Variants in MAST4 observed in about 807,000 individuals in gnomAD.
The protein encoded by MAST4 is microtubule-associated serine/threonine-protein kinase 4.
A neutral mutation model predicts 162.7 loss-of-function variants in MAST4; 89 were observed. That is an observed-to-expected ratio of 0.55 (90% CI 0.46 to 0.65). MAST4 has a LOEUF of 0.65. Ranked by LOEUF, MAST4 falls within the 30% of genes least tolerant of loss-of-function variation. The pLI is 0.00. For synonymous variants in MAST4, 1,479 were observed against 1,361.1 expected, an observed-to-expected ratio of 1.09 and a Z score of -1.91; for missense variants, 3,153 against 3,374.0, an observed-to-expected ratio of 0.93 and a Z score of 1.62.
intron 1 of MAST4, among the ~76,000 whole-genome samples, chr5:66,721,865 A>G (rs62360030): frequency 0.36 from 55,119 of 151,420 alleles, 10,163 homozygotes; most frequent in Non-Finnish European, 0.39. Flanking sequence ...CTATATTGAA[A>G]TCATTCTTTA....
At chr5:66,750,528 G>C (rs1289045167) in intron 1 of MAST4, among the ~76,000 whole-genome samples, 1 of 152,212 alleles carries the variant, frequency 6.6e-6, no homozygotes, top group Non-Finnish European at 1.5e-5. Context: ...TCAAAGAAAG[G>C]GGTGACGGAC....
intron 5 of MAST4, among the ~76,000 whole-genome samples, chr5:67,054,702 A>G (rs1003770916): frequency 1.9e-4 from 29 of 152,148 alleles, no homozygotes; most frequent in African/African-American, 6.5e-4. Flanking sequence ...ATTCCTTTTT[A>G]TATGGGGTCT....
intron 1 of MAST4, among the ~76,000 whole-genome samples, chr5:66,730,771 G>GTGTT (rs1338151531): frequency 1.4e-5 from 2 of 145,974 alleles, no homozygotes; most frequent in Non-Finnish European, 3.1e-5. Context: ...GTGTGTGTGT[G>GTGTT]TGTGTGTTTC....
At chr5:67,120,707 G>A (rs1167562062) in intron 13 of MAST4, among the ~76,000 whole-genome samples, 1 of 152,140 alleles carries the variant, frequency 6.6e-6, no homozygotes, top group African/African-American at 2.4e-5. Flanking sequence ...TGGCATTTTG[G>A]AGTTAAATTC....
chr5:66,804,274 C>T (rs1756068868), intron 3 of MAST4, among the ~76,000 whole-genome samples: 1 of 150,308 alleles, frequency 6.7e-6, no homozygotes, highest in Admixed American at 6.6e-5. Flanking sequence ...TATAATAGGG[C>T]TGCATAATAA....
chr5:66,965,224 G>GTTTTTTTTTTTTTTTTTTT (rs1561485927), intron 4 of MAST4, among the ~76,000 whole-genome samples: 1 of 72,416 alleles, frequency 1.4e-5, no homozygotes, highest in African/African-American at 5.5e-5. Context: ...TTTTTTTTTT[G>GTTTTTTTTTTTTTTTTTTT]CTTTTTTTTT....
chr5:66,685,940 G>C (rs62359990), intron 1 of MAST4, among the ~76,000 whole-genome samples: 26,589 of 151,956 alleles, frequency 0.17, 2,682 homozygotes, highest in East Asian at 0.31. Flanking sequence ...TTAGGCATTA[G>C]TTAGATTCTC....
chr5:66,741,053 C>T (rs1367426602), intron 1 of MAST4, among the ~76,000 whole-genome samples: 1 of 152,176 alleles, frequency 6.6e-6, no homozygotes, highest in Non-Finnish European at 1.5e-5. Flanking sequence ...GGAGACATTG[C>T]TCACCCACCT....
intron 1 of MAST4, among the ~76,000 whole-genome samples, chr5:66,645,064 T>C (rs1745739952): frequency 1.3e-5 from 2 of 152,068 alleles, no homozygotes; most frequent in African/African-American, 4.8e-5. Flanking sequence ...CAGAAAGTGT[T>C]GAGCGTGTGT....
chr5:67,033,449 C>T (rs1370587507), intron 4 of MAST4, among the ~76,000 whole-genome samples: 5 of 148,932 alleles, frequency 3.4e-5, no homozygotes, highest in Admixed American at 3.4e-4. Context: ...TAGTATATTG[C>T]AACATAGGCA....
rs770766065 is a variant in MAST4, at chr5:67,162,724, C to G, written c.3903C>G (p.Pro1301=). The change falls in exon 28 of 29, where the codon CCC becomes CCG. Residue 1301 remains proline, a synonymous_variant. Coordinates refer to ENST00000403625, the MANE Select transcript of MAST4 (RefSeq NM_001164664.2). The stretch of plus-strand genomic sequence containing the variant: ...CGGGTGAGAGCCTCCCAGGTTCCCC[C>G]ACTCATAGCTTGTCTCCCCGGTCTC... The part of the protein sequence containing the change: ...LSSGESLPGS[P]THSLSPRSPT... 1.9e-6 allele frequency: 3 copies of G among 1,613,876 alleles called. No homozygotes were observed. The highest frequency in any genetic ancestry group is 2.2e-5 in the East Asian group (1 of 44,848).
At chr5:66,991,807 C>T (rs1334704406) in intron 4 of MAST4, among the ~76,000 whole-genome samples, 1 of 152,168 alleles carries the variant, frequency 6.6e-6, no homozygotes, top group Non-Finnish European at 1.5e-5. Flanking sequence ...TAGCCCCAGG[C>T]AGTTTATGGT....
rs1763913547 is a variant in MAST4 at position 67,091,994 on chromosome 5, C to G, written c.833+1763C>G. Among the ~76,000 whole-genome samples, 3 of 152,058 alleles carry G rather than the reference C, an allele frequency of 2.0e-5. No homozygotes were observed. The South Asian group carries it at 6.2e-4, about 32-fold the overall frequency. On this transcript the variant is annotated intron_variant, in intron 6 of 28. Coordinates refer to ENST00000403625, the MANE Select transcript of MAST4 (RefSeq NM_001164664.2). ...AAATTGTTATTCAAGTAAACAGAACCCTGTGTTATGAAAACTCAAATTGGT... is the reference window on the plus strand; with the variant it reads ...AAATTGTTATTCAAGTAAACAGAACGCTGTGTTATGAAAACTCAAATTGGT...
At chr5:67,134,765 T>A in intron 18 of MAST4, 77 bp downstream of exon 18, 1 of 1,174,770 alleles carries the variant, frequency 8.5e-7, no homozygotes, top group Non-Finnish European at 1.2e-6. Context: ...AGTGTCACAG[T>A]TTTTACTACT....
intron 5 of MAST4, among the ~76,000 whole-genome samples, chr5:67,086,823 T>C (rs1319691502): frequency 6.6e-6 from 1 of 152,184 alleles, no homozygotes; most frequent in Non-Finnish European, 1.5e-5. Flanking sequence ...TCCTTCTTAC[T>C]CTCATCCTGG....
At chr5:66,608,975 C>G (rs756446443) in intron 1 of MAST4, among the ~76,000 whole-genome samples, 1 of 151,506 alleles carries the variant, frequency 6.6e-6, no homozygotes, top group African/African-American at 2.4e-5. Flanking sequence ...AGATATTGTT[C>G]TAGATGGAAT....
At chr5:66,912,844 A>C (rs1763865952) in intron 4 of MAST4, among the ~76,000 whole-genome samples, 1 of 152,138 alleles carries the variant, frequency 6.6e-6, no homozygotes, top group Non-Finnish European at 1.5e-5. Context: ...AGAGACTTCA[A>C]ATTGGTTTTC....
Position 67,164,134 on chromosome 5 carries a change from C to G in MAST4, c.4955C>G (p.Ser1652Cys). ...PGTLQDGLCH[S>C]LDRGISGKGE... The stretch of plus-strand genomic sequence containing the variant: ...ACCCTCCAGGATGGTCTCTGCCACT[C>G]CCTCGACAGGGGCATCTCTGGGAAG... The change falls in exon 29 of 29, where the codon TCC becomes TGC. Residue 1652 changes from serine to cysteine, a missense_variant. Ser to Cys is a moderately radical substitution (Grantham distance 112). Coordinates refer to ENST00000403625, the MANE Select transcript of MAST4 (RefSeq NM_001164664.2). The surrounding 1 kb of genome is among the most constrained non-coding windows in gnomAD (Gnocchi z 5.3). The G allele has an allele frequency of 6.2e-7, 1 of 1,603,492 alleles. No individual in the cohort carries two copies. The highest frequency in any genetic ancestry group is 8.5e-7 in the Non-Finnish European group (1 of 1,174,764).
rs1420687410 is a variant in MAST4 at position 67,153,577 on chromosome 5, G to A, written c.3645G>A (p.Leu1215=). The part of the protein sequence containing the change: ...LVHTEVIELL[L]KSGNKVSITT... ...ACACAGAAGTTATAGAACTCCTACT[G>A]AAGGTATTGTATGTTTTATGTCAGG... Residue 1215 remains leucine, a synonymous_variant, in exon 26 of 29, where the codon CTG becomes CTA. Coordinates refer to ENST00000403625, the MANE Select transcript of MAST4 (RefSeq NM_001164664.2). 2 of 1,579,752 alleles carry A rather than the reference G, an allele frequency of 1.3e-6. No individual in the cohort carries two copies. The highest frequency in any genetic ancestry group is 1.7e-6 in the Non-Finnish European group (2 of 1,162,038).
Sources: gnomAD v4.1 joint callset for allele counts (sites outside exome capture counted in the v4.1 genomes callset) on GRCh38, gnomAD v4.1.1 for gene constraint, Gnocchi (gnomAD v3.1) non-coding constraint, MANE v1.5 for transcripts, NCBI Gene and HGNC (gene_info 2026-07-23, HGNC 2026-07-21) for gene names.